RAB11FIP4: variants seen among roughly 807,000 people sequenced by gnomAD.
RAB11FIP4 encodes the protein rab11 family-interacting protein 4.
A neutral mutation model predicts 74.3 loss-of-function variants in RAB11FIP4; 23 were observed. The ratio of observed to expected loss-of-function variants is 0.31; its 90% CI spans 0.22 to 0.44. The LOEUF is 0.44. RAB11FIP4 is among the 20% of genes least tolerant of loss of function. The pLI is 1.00. For missense variants in RAB11FIP4, 630 were observed against 863.9 expected, an observed-to-expected ratio of 0.73 and a Z score of 3.39; for synonymous variants, 360 against 359.9, an observed-to-expected ratio of 1.00 and a Z score of 0.00.
intron 3 of RAB11FIP4, among the ~76,000 whole-genome samples, chr17:31,460,243 C>T (rs950438314): frequency 6.6e-6 from 1 of 152,194 alleles, no homozygotes; most frequent in Non-Finnish European, 1.5e-5. Flanking sequence ...AAGTGCTTTT[C>T]AAATGCTTAA....
At chr17:31,436,526 A>G (rs896344141) in intron 3 of RAB11FIP4, among the ~76,000 whole-genome samples, 3 of 152,116 alleles carry the variant, frequency 2.0e-5, no homozygotes, top group African/African-American at 7.2e-5. Context: ...ACACCTCTGG[A>G]AAAGGTGGCA....
Position 31,517,801 on chromosome 17 carries a change from C to G in RAB11FIP4, c.487C>G (p.Gln163Glu), listed in dbSNP as rs1381165379. The change falls in exon 4 of 15, where the codon CAG becomes GAG. Residue 163 changes from glutamine to glutamate, a missense_variant. Gln to Glu is a conservative substitution (Grantham distance 29). Coordinates refer to ENST00000621161, the MANE Select transcript of RAB11FIP4 (RefSeq NM_032932.6). Reference protein sequence around the residue: ...LYTDSPMESTQSLEGSVGSPA... With the variant: ...LYTDSPMESTESLEGSVGSPA... ...CACAGACAGCCCCATGGAGAGCACT[C>G]AGAGCCTGGAGGGGTCTGTCGGGAG... The G allele has an allele frequency of 6.4e-7, 1 of 1,554,872 alleles. No individual in the cohort carries two copies.
At chr17:31,516,676 G>A (rs915907339) in intron 3 of RAB11FIP4, among the ~76,000 whole-genome samples, 1 of 152,180 alleles carries the variant, frequency 6.6e-6, no homozygotes, top group Non-Finnish European at 1.5e-5. Flanking sequence ...CACCGTATTA[G>A]CCAGGGTGAT....
rs1213382436 is a variant in RAB11FIP4 at position 31,448,392 on chromosome 17, A to ATTTTTTTTTTTTTTTTTTTTTT, written c.336+14289_336+14290insTTTTTTTTTTTTTTTTTTTTTT. On this transcript the variant is annotated intron_variant, in intron 3 of 14. Coordinates refer to ENST00000621161, the MANE Select transcript of RAB11FIP4 (RefSeq NM_032932.6). ...AGGCTCATACCACCACATCCAGCTA[A>ATTTTTTTTTTTTTTTTTTTTTT]TTTTTTTTTTTTTTTTTTTGGCAGA... The ATTTTTTTTTTTTTTTTTTTTTT allele has an allele frequency of 2.6e-4, 21 of 79,802 alleles. 7 individuals carry two copies. The highest frequency in any genetic ancestry group is 1.1e-3 in the African/African-American group (18 of 17,018). The allele number at this position is 79,802 out of a possible 1,614,324, so 4.9% of individuals were successfully genotyped here.
intron 3 of RAB11FIP4, among the ~76,000 whole-genome samples, chr17:31,468,805 C>T (rs1453072266): frequency 6.7e-6 from 1 of 149,632 alleles, no homozygotes; most frequent in African/African-American, 2.5e-5. Context: ...ACTCCAGCCT[C>T]GTGACAGAGC....
At chr17:31,461,085 G>T (rs2071629731) in intron 3 of RAB11FIP4, among the ~76,000 whole-genome samples, 1 of 103,844 alleles carries the variant, frequency 9.6e-6, no homozygotes, top group Non-Finnish European at 1.9e-5. Flanking sequence ...CAAATCCACA[G>T]ACCCCTACTC....
intron 1 of RAB11FIP4, among the ~76,000 whole-genome samples, chr17:31,430,026 T>C (rs1465472264): frequency 6.6e-6 from 1 of 152,128 alleles, no homozygotes; most frequent in African/African-American, 2.4e-5. Context: ...AAGTATAGGA[T>C]GCTACAAGAC....
chr17:31,525,646 G>A (rs755026234), intron 10 of RAB11FIP4: 19 of 187,826 alleles, frequency 1.0e-4, no homozygotes, highest in Non-Finnish European at 1.9e-4. Flanking sequence ...TCATTGGAAC[G>A]TGACGCAGGC....
At chr17:31,420,389 G>A (rs1156831116) in intron 1 of RAB11FIP4, among the ~76,000 whole-genome samples, 1 of 151,576 alleles carries the variant, frequency 6.6e-6, no homozygotes, top group Non-Finnish European at 1.5e-5. Flanking sequence ...GTGCCACCAT[G>A]CTTGGCTAAT....
chr17:31,504,893 A>C (rs1276238744), intron 3 of RAB11FIP4, among the ~76,000 whole-genome samples: 1 of 152,224 alleles, frequency 6.6e-6, no homozygotes, highest in Non-Finnish European at 1.5e-5. Flanking sequence ...TGGCATCCGC[A>C]TCACCCGAGA....
At chr17:31,526,164 T>C (rs34616870) in intron 10 of RAB11FIP4, 5 of 152,196 alleles carry the variant, frequency 3.3e-5, no homozygotes, top group African/African-American at 1.2e-4. Flanking sequence ...AGCTGCTGTT[T>C]TGCATCTGTT....
intron 3 of RAB11FIP4, among the ~76,000 whole-genome samples, chr17:31,475,761 C>T (rs1000435144): frequency 6.6e-6 from 1 of 150,542 alleles, no homozygotes; most frequent in East Asian, 1.9e-4. Context: ...GTCCTCTTCA[C>T]GGTCTAGTTA....
chr17:31,446,476 C>T (rs747375055), intron 3 of RAB11FIP4, among the ~76,000 whole-genome samples: 3 of 151,974 alleles, frequency 2.0e-5, no homozygotes, highest in Non-Finnish European at 2.9e-5. Context: ...AACGTCTGTG[C>T]GATGGGTAAC....
chr17:31,409,150 T>C (rs2071069706), intron 1 of RAB11FIP4, among the ~76,000 whole-genome samples: 1 of 152,114 alleles, frequency 6.6e-6, no homozygotes, highest in African/African-American at 2.4e-5. Flanking sequence ...TAAGGGATGG[T>C]GGAGGCAGGA....
At chr17:31,404,593 G>A (rs556862038) in intron 1 of RAB11FIP4, among the ~76,000 whole-genome samples, 65 of 152,292 alleles carry the variant, frequency 4.3e-4, no homozygotes, top group Non-Finnish European at 7.2e-4. Flanking sequence ...TAAAATGACC[G>A]TTACCACCAC....
At position 31,537,224 on chromosome 17, in the gene RAB11FIP4, C is replaced by T. The variant is rs927198072; in HGVS notation, c.*5492C>T. 4 of 399,214 alleles carry T rather than the reference C, an allele frequency of 1.0e-5. No homozygotes were observed. Among genetic ancestry groups the T allele is most frequent in the Non-Finnish European group, 1.8e-5 (4 of 226,196 alleles). 24.7% of individuals were successfully genotyped at this position (399,214 alleles called of 1,614,324 possible). A position where few individuals can be genotyped will look rare whatever the true frequency, so the allele number is the denominator to read the frequency against. ...ATCGTCTCATCTCCCTGGCCTTTCC[C>T]GAGCCCTGTAAATGTGTACTTTTTC... On this transcript the variant is annotated 3_prime_UTR_variant, in exon 15 of 15. Coordinates refer to ENST00000621161, the MANE Select transcript of RAB11FIP4 (RefSeq NM_032932.6).
At chr17:31,521,521 C>T (rs183120366) in intron 5 of RAB11FIP4, among the ~76,000 whole-genome samples, 161 bp downstream of exon 5, 12 of 152,042 alleles carry the variant, frequency 7.9e-5, no homozygotes, top group African/African-American at 2.9e-4. Context: ...ACCTTCGCAC[C>T]CTGATTAGGG....
chr17:31,434,617 G>A (rs940021214), intron 3 of RAB11FIP4, among the ~76,000 whole-genome samples: 19 of 152,028 alleles, frequency 1.2e-4, no homozygotes, highest in African/African-American at 4.3e-4. Flanking sequence ...CACCTCCCAC[G>A]CCAGCTGCAG....
chr17:31,517,515 C>A, intron 3 of RAB11FIP4, 136 bp from the exon 4 acceptor site: 1 of 767,106 alleles, frequency 1.3e-6, no homozygotes, highest in Non-Finnish European at 2.2e-6. Flanking sequence ...TGTTCCCACG[C>A]TTAGGGTTCG....
Sources: gnomAD v4.1 joint callset for allele counts (sites outside exome capture counted in the v4.1 genomes callset) on GRCh38, gnomAD v4.1.1 for gene constraint, MANE v1.5 for transcripts, NCBI Gene and HGNC (gene_info 2026-07-23, HGNC 2026-07-21) for gene names.